The following TEX9 variants were observed in gnomAD, a reference collection of about 807,000 sequenced individuals.
TEX9 encodes the protein testis expressed 9, also known as testis-expressed protein 9.
TEX9 carries 74 observed loss-of-function variants against 59.6 expected under a neutral mutation model. The observed-to-expected ratio is 1.24, with a 90% CI of 1.03 to 1.51. The LOEUF is 1.51. Among genes scored for constraint, TEX9 ranks in the 40% most tolerant of loss-of-function variants. TEX9 has a pLI of 0.00. For synonymous variants in TEX9, 186 were observed against 152.2 expected (o/e 1.22, Z -1.64); for missense variants, 522 against 447.8 (o/e 1.17, Z -1.49).
intron 1 of TEX9, among the ~76,000 whole-genome samples, chr15:56,329,190 T>C (rs2162218): frequency 0.52 from 79,799 of 152,000 alleles, 21,109 homozygotes; most frequent in Non-Finnish European, 0.55. Flanking sequence ...CAAGGCAGTA[T>C]CTCTGTGAGT....
intron 12 of TEX9, among the ~76,000 whole-genome samples, chr15:56,436,627 A>G (rs1361808891): frequency 6.6e-6 from 1 of 152,224 alleles, no homozygotes; most frequent in East Asian, 1.9e-4. Flanking sequence ...TGAAGGAGAT[A>G]GAGACACAAA....
intron 1 of TEX9, among the ~76,000 whole-genome samples, chr15:56,247,641 C>T (rs1404087936): frequency 6.6e-6 from 1 of 152,132 alleles, no homozygotes; most frequent in East Asian, 1.9e-4. Context: ...GAGACAAAAA[C>T]CCACTTTACA....
chr15:56,365,535 A>C lies in TEX9; in HGVS notation c.28-44A>C, dbSNP rs748573145. On this transcript the variant is annotated intron_variant, in intron 1 of 12. Coordinates refer to ENST00000352903, the Ensembl canonical transcript of TEX9. ...TGGGTTCCGGCGACTAGGACGCCTA[A>C]CTTCCTTTAACTTCGGGTCTGAAAG... 12 of 1,614,200 alleles carry C rather than the reference A, an allele frequency of 7.4e-6. No homozygotes were observed. In the South Asian group the frequency reaches 7.7e-5, roughly 10 times the overall value.
At chr15:56,423,879 T>C (rs886733231) in intron 10 of TEX9, among the ~76,000 whole-genome samples, 7 of 152,154 alleles carry the variant, frequency 4.6e-5, no homozygotes, top group African/African-American at 1.7e-4. Flanking sequence ...ACCCGAGCAG[T>C]CTATACTGAA....
intron 5 of TEX9, among the ~76,000 whole-genome samples, chr15:56,388,823 A>T (rs1388715730): frequency 1.3e-5 from 2 of 152,054 alleles, no homozygotes; most frequent in Admixed American, 6.6e-5. Flanking sequence ...AGACTTGAAA[A>T]AGAATGATAC....
intron 9 of TEX9, among the ~76,000 whole-genome samples, chr15:56,408,089 C>T (rs528428301): frequency 6.6e-6 from 1 of 152,214 alleles, no homozygotes; most frequent in Non-Finnish European, 1.5e-5. Context: ...TTAGATCTTA[C>T]ATCTACCTCC....
intron 1 of TEX9, among the ~76,000 whole-genome samples, chr15:56,351,060 G>C (rs1163667864): frequency 7.2e-5 from 11 of 152,082 alleles, no homozygotes; most frequent in African/African-American, 2.7e-4. Context: ...AGAAACTTAA[G>C]ATACAACAAA....
In TEX9 at chr15:56,254,635, A is replaced by G. The variant is rs1053049760; in HGVS notation, c.-107+10357A>G. Among the ~76,000 whole-genome samples the G allele has an allele frequency of 9.9e-5, 15 of 151,910 alleles. No homozygotes were observed. In the East Asian group the frequency reaches 2.9e-3, roughly 29 times the overall value. On this transcript the variant is annotated intron_variant, in intron 1 of 5. Transcript: ENST00000560827. ...ATTCTTATTTATAAAGTAAAAGAAT[A>G]ATCCAATACAAGAATAATACAAGTT...
intron 1 of TEX9, among the ~76,000 whole-genome samples, chr15:56,251,044 A>C (rs750911690): frequency 3.3e-5 from 5 of 152,120 alleles, no homozygotes; most frequent in Non-Finnish European, 5.9e-5. Flanking sequence ...CTTTATGTGG[A>C]TCTCAGGAAA....
upstream of TEX9, among the ~76,000 whole-genome samples, chr15:56,364,359 G>T (rs1417027534): frequency 1.3e-5 from 2 of 151,310 alleles, no homozygotes; most frequent in Non-Finnish European, 3.0e-5. Context: ...CTCCATATTG[G>T]TCAGGCTGGT....
chr15:56,443,447 A>G (rs2050852726), intron 12 of TEX9: 4 of 1,584,540 alleles, frequency 2.5e-6, no homozygotes, highest in East Asian at 2.2e-5. Flanking sequence ...TTGCTCTTAT[A>G]TATTTCAGCT....
intron 1 of TEX9, among the ~76,000 whole-genome samples, chr15:56,268,835 C>G (rs1687411837): frequency 6.6e-6 from 1 of 151,878 alleles, no homozygotes. Context: ...TGATGTTGGC[C>G]TCATAAAATG....
At chr15:56,287,629 A>G (rs1160420685) in intron 1 of TEX9, among the ~76,000 whole-genome samples, 1 of 152,108 alleles carries the variant, frequency 6.6e-6, no homozygotes, top group East Asian at 1.9e-4. Flanking sequence ...TCTTAAACTT[A>G]TTCTTCCTAA....
At chr15:56,432,914 C>T (rs954641701) in intron 12 of TEX9, among the ~76,000 whole-genome samples, 1 of 152,118 alleles carries the variant, frequency 6.6e-6, no homozygotes, top group Non-Finnish European at 1.5e-5. Context: ...CTCTTCCTAC[C>T]GATTTTCAAA....
intron 5 of TEX9, 77 bp downstream of exon 5, chr15:56,388,597 AG>A: frequency 1.6e-6 from 2 of 1,236,818 alleles, no homozygotes; most frequent in Non-Finnish European, 2.4e-6. Flanking sequence ...TCTTAGACAA[AG>A]CAGAGAAGGG....
At chr15:56,300,104 A>G (rs67132911) in intron 1 of TEX9, among the ~76,000 whole-genome samples, 56,400 of 151,964 alleles carry the variant, frequency 0.37, 10,787 homozygotes, top group Middle Eastern at 0.53. Context: ...CCTGGATGGC[A>G]TTTTTTGAAC....
At chr15:56,399,084 C>A (rs1229799151) in intron 9 of TEX9, among the ~76,000 whole-genome samples, 1 of 152,182 alleles carries the variant, frequency 6.6e-6, no homozygotes, top group African/African-American at 2.4e-5. Context: ...ACTGAGGTAC[C>A]TGGTTCATCT....
At chr15:56,345,582 G>GCCCAGCTTCTTT (rs1172383576) in intron 1 of TEX9, among the ~76,000 whole-genome samples, 1 of 152,122 alleles carries the variant, frequency 6.6e-6, no homozygotes, top group African/African-American at 2.4e-5. Context: ...GTGCCACTGC[G>GCCCAGCTTCTTT]CCCAGCTTCT....
intron 1 of TEX9, among the ~76,000 whole-genome samples, chr15:56,299,983 AG>A (rs1303437464): frequency 6.6e-6 from 1 of 152,046 alleles, no homozygotes; most frequent in Admixed American, 6.6e-5. Flanking sequence ...GCTTGTGGAA[AG>A]GAGAGAAAAG....
Sources: allele counts gnomAD v4.1 joint callset (sites outside exome capture counted in the v4.1 genomes callset), GRCh38; gene constraint gnomAD v4.1.1; transcripts MANE v1.5; gene names NCBI Gene and HGNC (gene_info 2026-07-23, HGNC 2026-07-21).